MOB4: variants seen among roughly 807,000 people sequenced by gnomAD.
The protein encoded by MOB4 is MOB family member 4, phocein.
A neutral mutation model predicts 32.2 loss-of-function variants in MOB4; 4 were observed. That is an observed-to-expected ratio of 0.12 (90% CI 0.06 to 0.28). The LOEUF (loss-of-function observed/expected upper bound fraction) is 0.28, where lower values mean the gene tolerates loss of function less well. Ranked by LOEUF, MOB4 falls within the 10% of genes least tolerant of loss-of-function variation. The probability of loss-of-function intolerance (pLI) is 1.00; values close to 1 mark genes in which losing one functional copy is unlikely to be tolerated. For missense variants in MOB4, 158 were observed against 271.2 expected (o/e 0.58, Z 2.93); for synonymous variants, 88 against 88.1 (o/e 1.00, Z 0.01).
At chr2:197,520,184 CT>C (rs765434673) in intron 1 of MOB4, among the ~76,000 whole-genome samples, 263 of 141,232 alleles carry the variant, frequency 1.9e-3, no homozygotes, top group Middle Eastern at 3.6e-3. Flanking sequence ...TGCACTTAAA[CT>C]TTTTTTTTTT....
chr2:197,524,037 C>G (rs2086566411), intron 2 of MOB4, among the ~76,000 whole-genome samples: 1 of 152,152 alleles, frequency 6.6e-6, no homozygotes, highest in African/African-American at 2.4e-5. Flanking sequence ...GCCAGGAGTT[C>G]AAGACCAGCC....
chr2:197,517,228 C>T (rs573911288), intron 1 of MOB4, among the ~76,000 whole-genome samples: 4 of 152,154 alleles, frequency 2.6e-5, no homozygotes, highest in East Asian at 1.9e-4. Context: ...GATACATAGT[C>T]TCCTGATTCT....
At chr2:197,533,976 A>G (rs2106120513) in intron 2 of MOB4, 1 of 546,422 alleles carries the variant, frequency 1.8e-6, no homozygotes. Flanking sequence ...AAGGAATTTT[A>G]CATGAGATGG....
intron 1 of MOB4, among the ~76,000 whole-genome samples, chr2:197,520,646 T>TA (rs2086499529): frequency 6.6e-6 from 1 of 152,120 alleles, no homozygotes; most frequent in African/African-American, 2.4e-5. Context: ...TGAGGTTACA[T>TA]AGGTAAACTT....
At chr2:197,542,797 C>A (rs1447412933) in intron 5 of MOB4, among the ~76,000 whole-genome samples, 1 of 151,912 alleles carries the variant, frequency 6.6e-6, no homozygotes, top group Non-Finnish European at 1.5e-5. Flanking sequence ...ATAACTGTTA[C>A]AGAGTAGGAA....
At chr2:197,515,829 C>T, upstream of MOB4, 1 of 528,126 alleles carries the variant, frequency 1.9e-6, no homozygotes, top group South Asian at 2.3e-5. Context: ...CCGCAGCCCT[C>T]GCAAAGAGGC....
intron 5 of MOB4, among the ~76,000 whole-genome samples, chr2:197,540,997 T>C (rs1451626819): frequency 6.6e-6 from 1 of 151,976 alleles, no homozygotes; most frequent in African/African-American, 2.4e-5. Context: ...TGTCTCCGGA[T>C]TCAGGAGATT....
chr2:197,537,799 A>C (rs915914361), intron 3 of MOB4, among the ~76,000 whole-genome samples: 1 of 152,086 alleles, frequency 6.6e-6, no homozygotes, highest in Admixed American at 6.5e-5. Context: ...TTGAGACAAG[A>C]GTCTCGAGTC....
intron 1 of MOB4, chr2:197,516,449 T>G: frequency 8.2e-7 from 1 of 1,217,570 alleles, no homozygotes; most frequent in Non-Finnish European, 1.1e-6. Context: ...TCTTCTCGCC[T>G]TGCCCCTGAG....
chr2:197,527,561 T>C (rs1375174830), intron 2 of MOB4, among the ~76,000 whole-genome samples: 2 of 152,242 alleles, frequency 1.3e-5, no homozygotes, highest in African/African-American at 4.8e-5. Flanking sequence ...ATTTCCTATA[T>C]ATAGGATCAT....
intron 1 of MOB4, chr2:197,516,764 C>T (rs2086422243): frequency 2.1e-6 from 1 of 471,000 alleles, no homozygotes. Context: ...GATGTCATTC[C>T]TTGCTAATAT....
chr2:197,522,323 C>CTTTTT lies in MOB4; in HGVS notation c.61-1280_61-1276dup, dbSNP rs57163165. The stretch of plus-strand genomic sequence containing the variant: ...TTTTTTTGTACCCATGGGTGATTAC[C>CTTTTT]TTTTTTTTTTTTTTTTTTTTTTTTT... On this transcript the variant is annotated intron_variant, in intron 1 of 7. Transcript: ENST00000323303. Among the ~76,000 whole-genome samples the CTTTTT allele has an allele frequency of 2.2e-3, 148 of 66,484 alleles. 3 individuals carry two copies. Among genetic ancestry groups the CTTTTT allele is most frequent in the East Asian group, 3.0e-3 (6 of 2,028 alleles). 43.6% of individuals were successfully genotyped at this position (66,484 alleles called of 152,430 possible).
At chr2:197,526,571 T>C (rs1309525540) in intron 2 of MOB4, among the ~76,000 whole-genome samples, 2 of 152,142 alleles carry the variant, frequency 1.3e-5, no homozygotes, top group African/African-American at 4.8e-5. Context: ...CTGCCTTGGC[T>C]TCCCAAAGTG....
intron 1 of MOB4, chr2:197,516,841 T>C: frequency 2.4e-6 from 1 of 410,260 alleles, no homozygotes; most frequent in South Asian, 1.8e-5. Flanking sequence ...GCATTATGTG[T>C]GGTAAATTGG....
intron 5 of MOB4, among the ~76,000 whole-genome samples, chr2:197,545,618 A>T (rs2086980402): frequency 6.6e-6 from 1 of 152,240 alleles, no homozygotes; most frequent in Non-Finnish European, 1.5e-5. Flanking sequence ...AAAGGAATGA[A>T]GTACTGATTC....
intron 5 of MOB4, among the ~76,000 whole-genome samples, chr2:197,544,490 A>G (rs2086956447): frequency 6.6e-6 from 1 of 152,122 alleles, no homozygotes; most frequent in South Asian, 2.1e-4. Context: ...GCGGTGGCTC[A>G]CGCCTGTAAT....
chr2:197,541,275 A>G (rs1574648454), intron 5 of MOB4, among the ~76,000 whole-genome samples: 1 of 152,148 alleles, frequency 6.6e-6, no homozygotes, highest in Admixed American at 6.5e-5. Context: ...AGTTGTCTCC[A>G]AAATGGTCTT....
intron 2 of MOB4, among the ~76,000 whole-genome samples, chr2:197,534,656 C>A (rs2086767058): frequency 6.6e-6 from 1 of 152,162 alleles, no homozygotes; most frequent in Non-Finnish European, 1.5e-5. Context: ...GATTCTCTTG[C>A]CTCAGCCTCC....
At position 197,546,336 on chromosome 2, in the gene MOB4, T is replaced by C. The variant is rs542057221; in HGVS notation, c.355-2000T>C. Among the ~76,000 whole-genome samples the C allele has an allele frequency of 9.6e-4, 146 of 152,158 alleles. 1 individual carries two copies. Among genetic ancestry groups the C allele is most frequent in the African/African-American group, 3.3e-3 (136 of 41,540 alleles). The stretch of plus-strand genomic sequence containing the variant: ...TCGGCCTCCCAAAATGCTGGAATTA[T>C]AGGCGTGAGCCACTGCGCCCGGCCT... On this transcript the variant is annotated intron_variant, in intron 5 of 7. Transcript: ENST00000323303.
Sources: gnomAD v4.1 joint callset for allele counts (sites outside exome capture counted in the v4.1 genomes callset) on GRCh38, gnomAD v4.1.1 for gene constraint, MANE v1.5 for transcripts, NCBI Gene and HGNC (gene_info 2026-07-23, HGNC 2026-07-21) for gene names.